The following HDAC9 variants were observed in gnomAD, a reference collection of about 807,000 sequenced individuals.
HDAC9 encodes the protein histone deacetylase 9.
A neutral mutation model predicts 139.4 loss-of-function variants in HDAC9; 41 were observed. The observed-to-expected ratio is 0.29, with a 90% CI of 0.23 to 0.38. The LOEUF (loss-of-function observed/expected upper bound fraction) is 0.38, where lower values mean the gene tolerates loss of function less well. Among genes scored for constraint, HDAC9 ranks in the 10% least tolerant of loss-of-function variants. HDAC9 has a pLI of 1.00. For synonymous variants in HDAC9, 517 were observed against 476.2 expected, an observed-to-expected ratio of 1.09 and a Z score of -1.12; for missense variants, 1,147 against 1,297.0, an observed-to-expected ratio of 0.88 and a Z score of 1.78.
At chr7:18,961,119 C>G (rs545783117) in intron 24 of HDAC9, among the ~76,000 whole-genome samples, 3 of 152,136 alleles carry the variant, frequency 2.0e-5, no homozygotes, top group Non-Finnish European at 4.4e-5. Context: ...CTTCTCCTCT[C>G]TCTTCCATTT....
chr7:18,624,867 A>G (rs776058000), intron 6 of HDAC9, among the ~76,000 whole-genome samples: 5 of 152,014 alleles, frequency 3.3e-5, no homozygotes, highest in Non-Finnish European at 5.9e-5. Flanking sequence ...CACCCTCACT[A>G]CTGAGATTTT....
intron 1 of HDAC9, among the ~76,000 whole-genome samples, chr7:18,329,135 G>T (rs1800700816): frequency 6.6e-6 from 1 of 151,540 alleles, no homozygotes; most frequent in Non-Finnish European, 1.5e-5. Flanking sequence ...TATTTTTGTG[G>T]TATCAGTTGT....
chr7:18,336,208 C>T (rs1267592044), intron 1 of HDAC9, among the ~76,000 whole-genome samples: 1 of 151,500 alleles, frequency 6.6e-6, no homozygotes, highest in Non-Finnish European at 1.5e-5. Context: ...TATCTTGTAT[C>T]AGGTCAAACA....
chr7:18,611,456 G>T (rs546229113), intron 6 of HDAC9, among the ~76,000 whole-genome samples: 125 of 152,166 alleles, frequency 8.2e-4, no homozygotes, highest in African/African-American at 2.9e-3. Context: ...TTAACTCTAT[G>T]CAATAATCCT....
chr7:18,669,077 ATTTTCCTTTTGCCAGTGTAAACTTT>A (rs1795499541), intron 12 of HDAC9, among the ~76,000 whole-genome samples: 1 of 151,568 alleles, frequency 6.6e-6, no homozygotes, highest in Non-Finnish European at 1.5e-5. Flanking sequence ...AATTTGTTTC[ATTTTCCTTTTGCCAGTGTAAACTTT>A]TTCATGATAT....
chr7:18,219,745 T>G (rs1792554922), intron 2 of HDAC9, among the ~76,000 whole-genome samples: 1 of 152,212 alleles, frequency 6.6e-6, no homozygotes, highest in African/African-American at 2.4e-5. Flanking sequence ...AACAGTTTTC[T>G]GGATTTCCAA....
chr7:18,373,367 T>TA (rs1021080066), intron 1 of HDAC9, among the ~76,000 whole-genome samples: 1 of 151,864 alleles, frequency 6.6e-6, no homozygotes, highest in Non-Finnish European at 1.5e-5. Context: ...TATGTTACCT[T>TA]AAAAAAAAGG....
intron 6 of HDAC9, among the ~76,000 whole-genome samples, chr7:18,597,005 A>C (rs917724706): frequency 6.6e-6 from 1 of 152,130 alleles, no homozygotes; most frequent in Non-Finnish European, 1.5e-5. Context: ...GACCTTCCCC[A>C]GACAGTGATA....
intron 1 of HDAC9, among the ~76,000 whole-genome samples, chr7:18,396,124 C>A: frequency 7.9e-6 from 1 of 126,442 alleles, no homozygotes; most frequent in Non-Finnish European, 1.6e-5. Context: ...CTTCCCTTCC[C>A]TTCCCTTGCC....
intron 2 of HDAC9, among the ~76,000 whole-genome samples, chr7:18,245,688 T>C (rs1037882379): frequency 2.0e-5 from 3 of 152,202 alleles, no homozygotes; most frequent in East Asian, 1.9e-4. Context: ...TTTCTCTTCA[T>C]TGAAGCTAAA....
chr7:18,814,864 A>T (rs955348570), intron 17 of HDAC9, among the ~76,000 whole-genome samples: 7 of 152,180 alleles, frequency 4.6e-5, no homozygotes, highest in Non-Finnish European at 1.0e-4. Context: ...AAGAACCTAG[A>T]CATTTTGATA....
chr7:18,905,318 G>T (rs1362584807), intron 22 of HDAC9, among the ~76,000 whole-genome samples: 1 of 152,236 alleles, frequency 6.6e-6, no homozygotes, highest in Non-Finnish European at 1.5e-5. Context: ...GCACTTGAAG[G>T]TTTAATAAGG....
At chr7:18,322,641 C>G (rs141739841) in intron 1 of HDAC9, among the ~76,000 whole-genome samples, 77 of 152,226 alleles carry the variant, frequency 5.1e-4, no homozygotes, top group Non-Finnish European at 9.1e-4. Context: ...GAGGATCATG[C>G]TGATTGCCGA....
intron 21 of HDAC9, among the ~76,000 whole-genome samples, chr7:18,842,386 T>G (rs974663258): frequency 2.0e-5 from 3 of 152,118 alleles, no homozygotes; most frequent in Non-Finnish European, 4.4e-5. Context: ...AAGACTTGAC[T>G]AATAAAGAAG....
chr7:18,213,673 G>A (rs1431059719), intron 2 of HDAC9, among the ~76,000 whole-genome samples: 2 of 152,106 alleles, frequency 1.3e-5, no homozygotes, highest in African/African-American at 4.8e-5. Context: ...TATTCACACT[G>A]TAAGACCTAA....
At chr7:18,759,477 G>T (rs1213786006) in intron 14 of HDAC9, among the ~76,000 whole-genome samples, 1 of 151,924 alleles carries the variant, frequency 6.6e-6, no homozygotes, top group Non-Finnish European at 1.5e-5. Context: ...ATCTGTCACT[G>T]TCTCCTATCA....
intron 1 of HDAC9, among the ~76,000 whole-genome samples, chr7:18,439,310 T>C (rs1791523386): frequency 6.6e-6 from 1 of 152,214 alleles, no homozygotes; most frequent in African/African-American, 2.4e-5. Context: ...AAAAACGGTT[T>C]TCTATAAATA....
intron 17 of HDAC9, among the ~76,000 whole-genome samples, chr7:18,827,477 C>G (rs1168554843): frequency 1.3e-5 from 2 of 152,066 alleles, no homozygotes; most frequent in Non-Finnish European, 2.9e-5. Flanking sequence ...AGCATATGAG[C>G]ATTTAGCGTA....
chr7:18,709,603 C>G (rs1784198049), intron 12 of HDAC9, among the ~76,000 whole-genome samples: 1 of 152,140 alleles, frequency 6.6e-6, no homozygotes, highest in Admixed American at 6.6e-5. Context: ...TTCACTTATT[C>G]AACAAAGATT....
Sources: allele counts gnomAD v4.1 joint callset (sites outside exome capture counted in the v4.1 genomes callset), GRCh38; gene constraint gnomAD v4.1.1; transcripts MANE v1.5; gene names NCBI Gene and HGNC (gene_info 2026-07-23, HGNC 2026-07-21).